The following PRKG2 variants were observed in gnomAD, a reference collection of about 807,000 sequenced individuals.
The protein encoded by PRKG2 is cGMP-dependent protein kinase 2.
A neutral mutation model predicts 97.2 loss-of-function variants in PRKG2; 33 were observed. The observed-to-expected ratio is 0.34, with a 90% CI of 0.26 to 0.45. The LOEUF is 0.45. Among genes scored for constraint, PRKG2 ranks in the 20% least tolerant of loss-of-function variants. The pLI, the probability that PRKG2 is intolerant of heterozygous loss-of-function variation, is 1.00. For missense variants in PRKG2, 638 were observed against 900.0 expected, an observed-to-expected ratio of 0.71 and a Z score of 3.73; for synonymous variants, 330 against 321.8, an observed-to-expected ratio of 1.03 and a Z score of -0.27.
At chr4:81,163,899 CA>C (rs1749773844) in intron 6 of PRKG2, among the ~76,000 whole-genome samples, 3 of 146,882 alleles carry the variant, frequency 2.0e-5, no homozygotes. Flanking sequence ...CACACACACA[CA>C]CACCTCTGTG....
chr4:81,130,128 A>G (rs1746022876), intron 14 of PRKG2, among the ~76,000 whole-genome samples: 1 of 152,004 alleles, frequency 6.6e-6, no homozygotes, highest in African/African-American at 2.4e-5. Context: ...CCTCACTTAC[A>G]TGGATTTATC....
intron 14 of PRKG2, among the ~76,000 whole-genome samples, chr4:81,118,517 T>A (rs1208930061): frequency 4.6e-5 from 7 of 152,196 alleles, no homozygotes; most frequent in Non-Finnish European, 7.3e-5. Flanking sequence ...TGGTATCTCA[T>A]TGCTTTGATT....
chr4:81,101,367 C>G (rs558033846), intron 17 of PRKG2, among the ~76,000 whole-genome samples: 2 of 152,214 alleles, frequency 1.3e-5, no homozygotes, highest in East Asian at 3.9e-4. Context: ...ACATATATAC[C>G]ATGGAACACT....
chr4:81,174,497 A>G (rs1346027649), intron 3 of PRKG2, among the ~76,000 whole-genome samples: 1 of 152,052 alleles, frequency 6.6e-6, no homozygotes, highest in Non-Finnish European at 1.5e-5. Context: ...CCATGTTAGT[A>G]ACATGGAGAA....
chr4:81,178,561 A>G (rs1297790966), intron 2 of PRKG2, among the ~76,000 whole-genome samples: 2 of 152,080 alleles, frequency 1.3e-5, no homozygotes, highest in African/African-American at 4.8e-5. Context: ...GAAAAACACA[A>G]TATCTGAAGC....
At chr4:81,185,201 G>C (rs990542909) in intron 2 of PRKG2, among the ~76,000 whole-genome samples, 1 of 152,194 alleles carries the variant, frequency 6.6e-6, no homozygotes, top group East Asian at 1.9e-4. Context: ...TTGAAATGGA[G>C]AAAAAATGTT....
chr4:81,208,996 G>T (rs1173285982), intron 1 of PRKG2, among the ~76,000 whole-genome samples: 1 of 152,108 alleles, frequency 6.6e-6, no homozygotes, highest in Non-Finnish European at 1.5e-5. Flanking sequence ...ATCTTTGAAG[G>T]CAACCAAAAA....
intron 2 of PRKG2, among the ~76,000 whole-genome samples, chr4:81,183,828 T>G (rs1382051389): frequency 7.2e-5 from 11 of 152,090 alleles, no homozygotes; most frequent in African/African-American, 2.7e-4. Flanking sequence ...CTGCCATTAT[T>G]AAGGCTTCAG....
intron 14 of PRKG2, among the ~76,000 whole-genome samples, chr4:81,117,912 T>G (rs746890560): frequency 1.3e-5 from 2 of 152,180 alleles, no homozygotes; most frequent in African/African-American, 4.8e-5. Context: ...TTTGGACACA[T>G]GTATATGGAC....
chr4:81,171,941 C>A (rs995092466), intron 3 of PRKG2, 137 bp from the exon 4 acceptor site: 2 of 559,064 alleles, frequency 3.6e-6, no homozygotes, highest in African/African-American at 3.8e-5. Flanking sequence ...TTATAATACA[C>A]CAGTTAAAAG....
At chr4:81,178,976 A>G (rs1397032269) in intron 2 of PRKG2, among the ~76,000 whole-genome samples, 1 of 151,734 alleles carries the variant, frequency 6.6e-6, no homozygotes, top group African/African-American at 2.4e-5. Flanking sequence ...AATACAAAAA[A>G]TAGCTGGTCG....
intron 2 of PRKG2, among the ~76,000 whole-genome samples, chr4:81,190,109 G>A (rs578088160): frequency 2.2e-4 from 34 of 152,072 alleles, no homozygotes; most frequent in South Asian, 4.2e-4. Context: ...AAAAAGAGCC[G>A]GGATAGCCAA....
chr4:81,107,504 A>T (rs1214967662), intron 15 of PRKG2, among the ~76,000 whole-genome samples: 4 of 151,876 alleles, frequency 2.6e-5, no homozygotes, highest in Non-Finnish European at 5.9e-5. Flanking sequence ...TGAAGAGAGT[A>T]TTTATTTATT....
chr4:81,179,805 A>C (rs1224435215), intron 2 of PRKG2, among the ~76,000 whole-genome samples: 2 of 152,152 alleles, frequency 1.3e-5, no homozygotes, highest in Admixed American at 6.5e-5. Context: ...CATAATTTAT[A>C]GTGAGGCCTA....
intron 2 of PRKG2, chr4:81,175,352 T>C (rs1750833300): frequency 6.4e-6 from 1 of 157,202 alleles, no homozygotes; most frequent in South Asian, 2.0e-4. Context: ...ACTGATGTAT[T>C]CATGTATGCA....
intron 14 of PRKG2, among the ~76,000 whole-genome samples, chr4:81,120,439 T>C (rs1327088145): frequency 2.0e-5 from 3 of 152,240 alleles, no homozygotes; most frequent in African/African-American, 4.8e-5. Context: ...TCGATGAACA[T>C]GGAATACTCT....
intron 16 of PRKG2, among the ~76,000 whole-genome samples, chr4:81,104,848 T>C (rs1743170475): frequency 6.6e-6 from 1 of 152,112 alleles, no homozygotes; most frequent in Non-Finnish European, 1.5e-5. Context: ...TAAATTGTAA[T>C]GCTTTTTTAA....
chr4:81,108,989 T>A (rs1743638752), intron 15 of PRKG2, among the ~76,000 whole-genome samples: 1 of 152,196 alleles, frequency 6.6e-6, no homozygotes, highest in African/African-American at 2.4e-5. Context: ...ACATATCTGA[T>A]TACCTATAGA....
intron 6 of PRKG2, among the ~76,000 whole-genome samples, chr4:81,160,037 C>G (rs1186161155): frequency 6.6e-6 from 1 of 151,648 alleles, no homozygotes; most frequent in Non-Finnish European, 1.5e-5. Context: ...TGCAGCGCAC[C>G]AGCATGGCAC....
Sources: gnomAD v4.1 joint callset for allele counts (sites outside exome capture counted in the v4.1 genomes callset) on GRCh38, gnomAD v4.1.1 for gene constraint, MANE v1.5 for transcripts, NCBI Gene and HGNC (gene_info 2026-07-23, HGNC 2026-07-21) for gene names.